ELAVL1: variants seen among roughly 807,000 people sequenced by gnomAD.
The protein encoded by ELAVL1 is ELAV like RNA binding protein 1.
Under a neutral mutation model 28.4 loss-of-function variants are expected in ELAVL1, and 1 was observed. The ratio of observed to expected loss-of-function variants is 0.04; its 90% CI spans 0.01 to 0.17. The LOEUF (loss-of-function observed/expected upper bound fraction) is 0.17, where lower values mean the gene tolerates loss of function less well. ELAVL1 is among the 10% of genes least tolerant of loss of function. ELAVL1 has a pLI of 1.00. For synonymous variants in ELAVL1, 174 were observed against 183.5 expected (o/e 0.95, Z 0.42); for missense variants, 157 against 447.2 (o/e 0.35, Z 5.85).
At chr19:7,990,618 G>A (rs1007033853) in intron 2 of ELAVL1, among the ~76,000 whole-genome samples, 2 of 152,004 alleles carry the variant, frequency 1.3e-5, no homozygotes, top group African/African-American at 2.4e-5. Context: ...CTCCCACCTC[G>A]ACCTCCCAAA....
intron 1 of ELAVL1, among the ~76,000 whole-genome samples, chr19:8,001,701 A>T (rs967034369): frequency 1.3e-5 from 2 of 151,436 alleles, no homozygotes; most frequent in Non-Finnish European, 2.9e-5. Context: ...CCTGGCCTTG[A>T]GCAATCTTCC....
chr19:7,992,759 T>C (rs974043464), intron 1 of ELAVL1, among the ~76,000 whole-genome samples: 7 of 152,196 alleles, frequency 4.6e-5, no homozygotes, highest in Admixed American at 3.9e-4. Context: ...TTACTAATAA[T>C]GTGTCAATAT....
chr19:7,996,626 T>C (rs1361563688), intron 1 of ELAVL1, among the ~76,000 whole-genome samples: 4 of 151,348 alleles, frequency 2.6e-5, no homozygotes, highest in Non-Finnish European at 5.9e-5. Context: ...GCCAACATGG[T>C]GAAACCCCAT....
rs550400345 is a variant in ELAVL1 at position 7,981,349 on chromosome 19, A to G, written c.173-163T>C. Among the ~76,000 whole-genome samples the G allele has an allele frequency of 6.8e-6, 1 of 146,426 alleles. No individual in the cohort carries two copies. The highest frequency in any genetic ancestry group is 2.0e-4 in the East Asian group (1 of 5,072). On this transcript the variant is annotated intron_variant, in intron 2 of 5. Coordinates refer to ENST00000407627, the MANE Select transcript of ELAVL1 (RefSeq NM_001419.3). The surrounding 1 kb of genome is among the most constrained non-coding windows in gnomAD (Gnocchi z 4.2). ...CACGTACATTTTCTGCAATGAACAC[A>G]GGTTCCTTTTTTTTTTTTTTTTTAA... is the stretch of plus-strand genomic sequence containing the variant.
At chr19:7,975,874 G>A (rs1418977197) in intron 3 of ELAVL1, among the ~76,000 whole-genome samples, 2 of 152,154 alleles carry the variant, frequency 1.3e-5, no homozygotes, top group Non-Finnish European at 1.5e-5. Context: ...TGGAGGCTGA[G>A]TGGGAGGATC....
intron 1 of ELAVL1, among the ~76,000 whole-genome samples, chr19:7,993,282 G>A (rs1367210318): frequency 6.6e-6 from 1 of 152,160 alleles, no homozygotes; most frequent in Non-Finnish European, 1.5e-5. Flanking sequence ...AAGCCTTTGG[G>A]TTGTCTCTCG....
intron 1 of ELAVL1, chr19:8,002,079 C>T (rs929317725): frequency 7.8e-7 from 1 of 1,289,238 alleles, no homozygotes; most frequent in African/African-American, 1.5e-5. Flanking sequence ...AGCCCTCTGC[C>T]CAGTGGACAC....
At chr19:7,983,852 T>A (rs545486304) in intron 2 of ELAVL1, among the ~76,000 whole-genome samples, 1 of 152,212 alleles carries the variant, frequency 6.6e-6, no homozygotes, top group South Asian at 2.1e-4. Context: ...TCCCCTAGGA[T>A]GGTCACTGCC....
intron 5 of ELAVL1, among the ~76,000 whole-genome samples, chr19:7,964,993 G>C (rs992826913): frequency 6.6e-6 from 1 of 152,208 alleles, no homozygotes; most frequent in Non-Finnish European, 1.5e-5. Flanking sequence ...GGCCCCAGCC[G>C]GGGTAAACGA....
At chr19:7,964,605 T>G (rs1984904612) in intron 5 of ELAVL1, among the ~76,000 whole-genome samples, 1 of 151,834 alleles carries the variant, frequency 6.6e-6, no homozygotes, top group Non-Finnish European at 1.5e-5. Context: ...GAGGCCAAGG[T>G]GGGAGGATCA....
intron 1 of ELAVL1, among the ~76,000 whole-genome samples, chr19:7,993,062 T>C (rs2145224042): frequency 6.6e-6 from 1 of 152,344 alleles, no homozygotes; most frequent in South Asian, 2.1e-4. Flanking sequence ...AGCCACTGTG[T>C]CCGGCTTCTT....
At chr19:7,972,342 G>A (rs894368821) in intron 4 of ELAVL1, among the ~76,000 whole-genome samples, 8 of 152,260 alleles carry the variant, frequency 5.3e-5, no homozygotes, top group South Asian at 2.1e-4. Context: ...CAGTAGGGCC[G>A]GAGCACAGCC....
At chr19:7,972,266 G>A (rs1173009845) in intron 4 of ELAVL1, among the ~76,000 whole-genome samples, 2 of 152,220 alleles carry the variant, frequency 1.3e-5, no homozygotes, top group African/African-American at 2.4e-5. Context: ...GCGGGGCCAC[G>A]TGCAGGGCTT....
chr19:7,976,840 ATTT>A (rs764204939), intron 3 of ELAVL1, among the ~76,000 whole-genome samples: 1 of 132,968 alleles, frequency 7.5e-6, no homozygotes. Flanking sequence ...GACACGCTAC[ATTT>A]TTTTTTTTTT....
At chr19:7,976,146 TA>T (rs1286385548) in intron 3 of ELAVL1, among the ~76,000 whole-genome samples, 1 of 150,318 alleles carries the variant, frequency 6.7e-6, no homozygotes, top group Non-Finnish European at 1.5e-5. Context: ...CTCATGCCTA[TA>T]ATCCCAGCAC....
intron 2 of ELAVL1, among the ~76,000 whole-genome samples, chr19:7,987,841 C>T (rs879526994): frequency 1.3e-5 from 2 of 152,222 alleles, no homozygotes; most frequent in Admixed American, 6.5e-5. Flanking sequence ...CAGTGCAGGT[C>T]GGCCCAGGTG....
chr19:8,004,411 G>C (rs547924568), intron 1 of ELAVL1, among the ~76,000 whole-genome samples: 1 of 152,166 alleles, frequency 6.6e-6, no homozygotes, highest in Non-Finnish European at 1.5e-5. Context: ...CTGTGCGTGT[G>C]AGAGTGGAAG....
rs1214293231 is a variant in ELAVL1, at chr19:7,981,970, C to A, written c.173-784G>T. 6.6e-6 allele frequency among the ~76,000 whole-genome samples: 1 copy of A among 152,182 alleles called. No homozygotes were observed. Among genetic ancestry groups the A allele is most frequent in the African/African-American group, 2.4e-5 (1 of 41,452 alleles). On this transcript the variant is annotated intron_variant, in intron 2 of 5. Transcript: ENST00000407627. This position sits in a 1 kb window ranked among gnomAD's most constrained non-coding sequence, Gnocchi z 4.2. The stretch of plus-strand genomic sequence containing the variant: ...CAAGCCTGAGACCAGCCCGACCCCG[C>A]TGTGGGGCAGAAGAGTCCAGGGAGA...
rs369199659 is a variant in ELAVL1, at chr19:7,963,479, C to T, written c.*4G>A. The T allele has an allele frequency of 6.1e-5, 98 of 1,600,216 alleles. No individual in the cohort carries two copies. Among genetic ancestry groups the T allele is most frequent in the Non-Finnish European group, 7.5e-5 (88 of 1,170,086 alleles). ...TATTCCGTACAAAAAAAAGCATGAG[C>T]GAGTTATTTGTGGGACTTGTTGGTT... is the stretch of plus-strand genomic sequence containing the variant. On this transcript the variant is annotated 3_prime_UTR_variant, in exon 6 of 6. Transcript: ENST00000407627. The surrounding 1 kb of genome is among the most constrained non-coding windows in gnomAD (Gnocchi z 4.5).
Sources: gnomAD v4.1 joint callset for allele counts (sites outside exome capture counted in the v4.1 genomes callset) on GRCh38, gnomAD v4.1.1 for gene constraint, Gnocchi (gnomAD v3.1) non-coding constraint, MANE v1.5 for transcripts, NCBI Gene and HGNC (gene_info 2026-07-23, HGNC 2026-07-21) for gene names.